The following SMYD3 variants were observed in gnomAD, a reference collection of about 807,000 sequenced individuals.
SMYD3 encodes the protein histone-lysine N-methyltransferase SMYD3.
Under a neutral mutation model 57.7 loss-of-function variants are expected in SMYD3, and 36 were observed. The observed-to-expected ratio is 0.62, with a 90% CI of 0.48 to 0.82. SMYD3 has a LOEUF of 0.82. Ranked by LOEUF, SMYD3 falls within the 40% of genes least tolerant of loss-of-function variation. The pLI is 0.00. For synonymous variants in SMYD3, 211 were observed against 195.0 expected (o/e 1.08, Z -0.68); for missense variants, 515 against 538.8 (o/e 0.96, Z 0.44).
chr1:246,507,014 C>A (rs2068554637), intron 1 of SMYD3, 40 bp downstream of exon 1: 3 of 1,392,172 alleles, frequency 2.2e-6, no homozygotes, highest in Non-Finnish European at 2.8e-6. Context: ...GCACCCCACA[C>A]AGCTCGCGAC....
intron 10 of SMYD3, among the ~76,000 whole-genome samples, chr1:245,799,907 T>C (rs992680300): frequency 2.0e-5 from 3 of 152,210 alleles, no homozygotes; most frequent in African/African-American, 7.2e-5. Flanking sequence ...CACCTGTCCA[T>C]CTGCCCACCT....
intron 8 of SMYD3, among the ~76,000 whole-genome samples, chr1:245,909,726 A>G (rs549490742): frequency 6.0e-4 from 92 of 152,270 alleles, no homozygotes; most frequent in African/African-American, 2.1e-3. Context: ...GATCATTTCA[A>G]TAGATGTTGA....
chr1:246,128,720 T>C (rs2061543340), intron 5 of SMYD3, among the ~76,000 whole-genome samples: 1 of 152,126 alleles, frequency 6.6e-6, no homozygotes, highest in African/African-American at 2.4e-5. Context: ...TCAGATACTC[T>C]TTTTCTCCCT....
At chr1:246,065,474 A>C (rs1242697026) in intron 5 of SMYD3, among the ~76,000 whole-genome samples, 1 of 152,216 alleles carries the variant, frequency 6.6e-6, no homozygotes, top group Non-Finnish European at 1.5e-5. Context: ...GGGGTGAAAG[A>C]AGTAATCACC....
At chr1:246,197,384 A>C (rs1420520878) in intron 5 of SMYD3, among the ~76,000 whole-genome samples, 1 of 152,056 alleles carries the variant, frequency 6.6e-6, no homozygotes, top group Non-Finnish European at 1.5e-5. Flanking sequence ...AAAATCAACA[A>C]GTCAAGTCAA....
chr1:246,452,494 G>A lies in SMYD3; in HGVS notation c.164+54560C>T, dbSNP rs536256431. Among the ~76,000 whole-genome samples the A allele has an allele frequency of 9.9e-5, 15 of 151,958 alleles. No individual in the cohort carries two copies. The East Asian group carries it at 1.4e-3, about 14-fold the overall frequency. ...AGCCTGGGCCACAAACCAAGACTCC[G>A]TTTCAAAAAAGAAACGGAAAAAAAA... On this transcript the variant is annotated intron_variant, in intron 1 of 11. Coordinates refer to ENST00000490107, the MANE Select transcript of SMYD3 (RefSeq NM_001167740.2).
At chr1:246,024,407 G>GACA (rs370973777) in intron 5 of SMYD3, among the ~76,000 whole-genome samples, 1 of 54,032 alleles carries the variant, frequency 1.9e-5, no homozygotes, top group Non-Finnish European at 3.3e-5. Flanking sequence ...CATCTAGGAA[G>GACA]GAGATACAGG....
chr1:245,933,892 A>T (rs1393342523), intron 5 of SMYD3, among the ~76,000 whole-genome samples: 1 of 152,172 alleles, frequency 6.6e-6, no homozygotes, highest in Non-Finnish European at 1.5e-5. Context: ...ACTCACAACC[A>T]ATCAGAGCTG....
At chr1:246,363,224 G>A (rs1438115873) in intron 1 of SMYD3, among the ~76,000 whole-genome samples, 19 of 151,608 alleles carry the variant, frequency 1.3e-4, no homozygotes, top group Non-Finnish European at 2.1e-4. Flanking sequence ...GTCTCCGCCC[G>A]GCAGCCACCC....
chr1:245,776,098 C>T (rs576800732), intron 10 of SMYD3, among the ~76,000 whole-genome samples: 4 of 152,278 alleles, frequency 2.6e-5, no homozygotes, highest in African/African-American at 7.2e-5. Context: ...CCACGAAGAC[C>T]GTAAGAAAGT....
chr1:245,989,563 G>A (rs79227936), intron 5 of SMYD3, among the ~76,000 whole-genome samples: 16,049 of 152,254 alleles, frequency 0.11, 1,116 homozygotes, highest in East Asian at 0.19. Flanking sequence ...TTCATTCAAT[G>A]CCACATGAGT....
At chr1:245,814,964 C>G (rs1474791132) in intron 10 of SMYD3, among the ~76,000 whole-genome samples, 2 of 152,144 alleles carry the variant, frequency 1.3e-5, no homozygotes, top group African/African-American at 4.8e-5. Flanking sequence ...ACAAAGACAG[C>G]TGTCCATTGG....
chr1:246,473,318 G>A (rs756210191), intron 1 of SMYD3, among the ~76,000 whole-genome samples: 2 of 152,126 alleles, frequency 1.3e-5, no homozygotes, highest in Non-Finnish European at 2.9e-5. Flanking sequence ...AATATATTTA[G>A]AGTAAACCTG....
intron 5 of SMYD3, among the ~76,000 whole-genome samples, chr1:246,097,308 T>G (rs1234260536): frequency 6.6e-6 from 1 of 152,048 alleles, no homozygotes; most frequent in East Asian, 1.9e-4. Flanking sequence ...GATTCCCTGT[T>G]CTATGCCTCA....
intron 10 of SMYD3, among the ~76,000 whole-genome samples, chr1:245,828,255 C>T (rs931599453): frequency 3.3e-5 from 5 of 152,138 alleles, no homozygotes; most frequent in Non-Finnish European, 5.9e-5. Context: ...TAGAGAGGTG[C>T]ATTAACATTT....
intron 10 of SMYD3, among the ~76,000 whole-genome samples, chr1:245,843,679 T>A (rs1391809320): frequency 6.6e-6 from 1 of 152,062 alleles, no homozygotes; most frequent in African/African-American, 2.4e-5. Context: ...CTATACTAAC[T>A]CCTCAGGATG....
At chr1:245,902,589 G>T (rs114247527) in intron 8 of SMYD3, among the ~76,000 whole-genome samples, 2,453 of 152,236 alleles carry the variant, frequency 0.016, 53 homozygotes, top group African/African-American at 0.049. Flanking sequence ...GGACCAGAAT[G>T]CCTGGCCCAC....
chr1:246,396,242 G>T (rs901610719), intron 1 of SMYD3, among the ~76,000 whole-genome samples: 1 of 152,128 alleles, frequency 6.6e-6, no homozygotes, highest in African/African-American at 2.4e-5. Flanking sequence ...ATAGGTATAC[G>T]TACATCAATA....
At position 245,863,814 on chromosome 1, in the gene SMYD3, G is replaced by GTTCTTCAATTTTT; in HGVS notation, c.873_885dup (p.Leu296LysfsTer3). On this transcript the variant is annotated stop_gained and frameshift_variant, in exon 9 of 12. Coordinates refer to ENST00000490107, the MANE Select transcript of SMYD3 (RefSeq NM_001167740.2). LOFTEE classifies it high-confidence loss of function. Reference sequence around the variant, plus strand: ...GAAAGGATACTCCAGTGTGCCTTCAGTTCTTCAATTTTTTTCAGGGATTCT... The same window carrying GTTCTTCAATTTTT: ...GAAAGGATACTCCAGTGTGCCTTCAGTTCTTCAATTTTTTTCTTCAATTTTTTTCAGGGATTCT... 1 of 1,614,032 alleles carries GTTCTTCAATTTTT rather than the reference G, an allele frequency of 6.2e-7. No individual in the cohort carries two copies. The highest frequency in any genetic ancestry group is 8.5e-7 in the Non-Finnish European group (1 of 1,179,920).
Sources: gnomAD v4.1 joint callset for allele counts (sites outside exome capture counted in the v4.1 genomes callset) on GRCh38, gnomAD v4.1.1 for gene constraint, MANE v1.5 for transcripts, NCBI Gene and HGNC (gene_info 2026-07-23, HGNC 2026-07-21) for gene names.